ARHGAP10: variants seen among roughly 807,000 people sequenced by gnomAD.
The protein encoded by ARHGAP10 is rho GTPase-activating protein 10.
ARHGAP10 carries 87 observed loss-of-function variants against 108.6 expected under a neutral mutation model. The observed-to-expected ratio is 0.80, with a 90% CI of 0.67 to 0.96. The LOEUF (loss-of-function observed/expected upper bound fraction) is 0.96. ARHGAP10 is among the 40% of genes least tolerant of loss of function. The probability of loss-of-function intolerance (pLI) is 0.00; values close to 1 mark genes in which losing one functional copy is unlikely to be tolerated. For synonymous variants in ARHGAP10, 347 were observed against 341.1 expected (o/e 1.02, Z -0.19); for missense variants, 939 against 954.5 (o/e 0.98, Z 0.21).
intron 22 of ARHGAP10, among the ~76,000 whole-genome samples, chr4:148,071,077 G>C (rs1467095575): frequency 1.3e-5 from 2 of 152,214 alleles, no homozygotes; most frequent in Admixed American, 1.3e-4. Context: ...GGAGTCAGAC[G>C]AGACTCTGAG....
At chr4:147,871,907 C>G (rs900795097) in intron 7 of ARHGAP10, among the ~76,000 whole-genome samples, 2 of 151,896 alleles carry the variant, frequency 1.3e-5, no homozygotes, top group African/African-American at 2.4e-5. Context: ...TCAGGACCAG[C>G]CTGGGCAATG....
intron 18 of ARHGAP10, among the ~76,000 whole-genome samples, chr4:148,010,746 G>A (rs1741138305): frequency 6.6e-6 from 1 of 152,146 alleles, no homozygotes; most frequent in Non-Finnish European, 1.5e-5. Context: ...CTGGGAATTT[G>A]TTAGAATTGA....
intron 1 of ARHGAP10, among the ~76,000 whole-genome samples, chr4:147,813,130 C>T (rs1579074438): frequency 6.7e-6 from 1 of 149,112 alleles, no homozygotes; most frequent in African/African-American, 2.5e-5. Context: ...TGGTTTCTGC[C>T]TTTAGGAGCC....
At chr4:147,903,156 C>T (rs1270038804) in intron 10 of ARHGAP10, among the ~76,000 whole-genome samples, 3 of 152,194 alleles carry the variant, frequency 2.0e-5, no homozygotes, top group African/African-American at 7.2e-5. Flanking sequence ...CAGTCTGCCT[C>T]CACAGCTTTC....
intron 15 of ARHGAP10, 111 bp from the exon 16 acceptor site, chr4:147,955,205 T>G (rs1738743397): frequency 9.5e-7 from 1 of 1,047,702 alleles, no homozygotes; most frequent in Admixed American, 2.1e-5. Flanking sequence ...CTAGGGAAGT[T>G]TTACACATTA....
intron 13 of ARHGAP10, among the ~76,000 whole-genome samples, chr4:147,920,966 A>G (rs569684252): frequency 6.6e-6 from 1 of 152,348 alleles, no homozygotes; most frequent in East Asian, 1.9e-4. Context: ...TTTGATTGTA[A>G]AGGAACTGGG....
intron 1 of ARHGAP10, among the ~76,000 whole-genome samples, chr4:147,794,605 T>G (rs1731241598): frequency 6.6e-6 from 1 of 152,190 alleles, no homozygotes; most frequent in African/African-American, 2.4e-5. Flanking sequence ...TTTTTGGGAT[T>G]GGTTTTTGTG....
In ARHGAP10 at chr4:148,069,500, C is replaced by G. The variant is rs1359628524; in HGVS notation, c.2273-2493C>G. Among the ~76,000 whole-genome samples the G allele has an allele frequency of 2.0e-5, 3 of 152,208 alleles. No individual in the cohort carries two copies. In the South Asian group the frequency reaches 6.2e-4, roughly 31 times the overall value. On this transcript the variant is annotated intron_variant, in intron 22 of 22. Coordinates refer to ENST00000336498, the MANE Select transcript of ARHGAP10 (RefSeq NM_024605.4). ...GGCCTTGGTTTCCCCAATCAAGCCT[C>G]CTTTCACCTCCAGCGTTGTAGAAAA... is the stretch of plus-strand genomic sequence containing the variant.
intron 1 of ARHGAP10, among the ~76,000 whole-genome samples, chr4:147,739,810 A>T (rs1395486173): frequency 1.4e-5 from 2 of 147,554 alleles, no homozygotes; most frequent in East Asian, 4.0e-4. Context: ...ATCTTGGTTC[A>T]CTGCAACCTC....
Position 148,064,440 on chromosome 4 carries a change from C to T in ARHGAP10, c.2205C>T (p.Ala735=), listed in dbSNP as rs777314417. 2 of 1,613,916 alleles carry T rather than the reference C, an allele frequency of 1.2e-6. No individual in the cohort carries two copies. The highest frequency in any genetic ancestry group is 1.7e-6 in the Non-Finnish European group (2 of 1,179,968). The stretch of plus-strand genomic sequence containing the variant: ...GCATCCGCAGTCGGAAGGCTCGAGC[C>T]GTGTATCCGTGTGAAGCAGAACACA... The part of the protein sequence containing the change: ...PESIRSRKAR[A]VYPCEAEHSS... Residue 735 remains alanine, a synonymous_variant, in exon 22 of 23, where the codon GCC becomes GCT. Coordinates refer to ENST00000336498, the MANE Select transcript of ARHGAP10 (RefSeq NM_024605.4).
At chr4:147,930,995 A>G (rs565997317) in intron 13 of ARHGAP10, among the ~76,000 whole-genome samples, 1 of 152,234 alleles carries the variant, frequency 6.6e-6, no homozygotes, top group African/African-American at 2.4e-5. Flanking sequence ...TGTTTTCTGG[A>G]GCTGTGTGGT....
intron 1 of ARHGAP10, among the ~76,000 whole-genome samples, chr4:147,799,057 T>G (rs1327792560): frequency 6.6e-6 from 1 of 151,670 alleles, no homozygotes; most frequent in Non-Finnish European, 1.5e-5. Context: ...CTCTTCGAGA[T>G]GGAGTCTCAC....
At chr4:147,871,323 G>T (rs952701720) in intron 7 of ARHGAP10, among the ~76,000 whole-genome samples, 1 of 152,122 alleles carries the variant, frequency 6.6e-6, no homozygotes, top group South Asian at 2.1e-4. Flanking sequence ...TACTTGAGGG[G>T]TGGGCTTGTG....
chr4:147,913,021 G>T (rs1386214168), intron 12 of ARHGAP10, 53 bp from the exon 13 acceptor site: 4 of 1,498,342 alleles, frequency 2.7e-6, no homozygotes, highest in Non-Finnish European at 3.7e-6. Flanking sequence ...AAAAGGAAGA[G>T]AAATGTGATA....
chr4:148,071,873 A>G (rs1399838905), intron 22 of ARHGAP10, 120 bp from the exon 23 acceptor site: 4 of 744,062 alleles, frequency 5.4e-6, no homozygotes, highest in South Asian at 3.7e-5. Flanking sequence ...TTGTGACCCA[A>G]CATCCCAGAA....
At chr4:147,752,033 G>A (rs1437825741) in intron 1 of ARHGAP10, among the ~76,000 whole-genome samples, 1 of 151,864 alleles carries the variant, frequency 6.6e-6, no homozygotes, top group African/African-American at 2.4e-5. Flanking sequence ...CTATAGGCGT[G>A]CGCCACCACA....
chr4:147,747,936 A>C (rs1318704786), intron 1 of ARHGAP10, among the ~76,000 whole-genome samples: 1 of 152,130 alleles, frequency 6.6e-6, no homozygotes, highest in East Asian at 1.9e-4. Flanking sequence ...TCTAGAGACA[A>C]TTTTGGTTGT....
At chr4:147,796,726 C>T (rs748370803) in intron 1 of ARHGAP10, among the ~76,000 whole-genome samples, 32 of 152,130 alleles carry the variant, frequency 2.1e-4, no homozygotes, top group Admixed American at 2.0e-3. Context: ...GGGGTTTCAC[C>T]GTGTTAACCA....
chr4:147,979,795 T>C (rs1308766697), intron 18 of ARHGAP10, among the ~76,000 whole-genome samples: 1 of 152,216 alleles, frequency 6.6e-6, no homozygotes, highest in Non-Finnish European at 1.5e-5. Context: ...GGTGTGTGGC[T>C]ATTGTAAATG....
Sources: allele counts gnomAD v4.1 joint callset (sites outside exome capture counted in the v4.1 genomes callset), GRCh38; gene constraint gnomAD v4.1.1; transcripts MANE v1.5; gene names NCBI Gene and HGNC (gene_info 2026-07-23, HGNC 2026-07-21).